The following REDIC1 variants were observed in gnomAD, a reference collection of about 807,000 sequenced individuals.
The protein encoded by REDIC1 is regulator of DNA class I crossover intermediates 1.
the REDIC1 span, among the ~76,000 whole-genome samples, chr12:39,662,444 AT>A: frequency 6.6e-6 from 1 of 151,986 alleles, no homozygotes; most frequent in African/African-American, 2.4e-5. Flanking sequence ...ATAGTTCATT[AT>A]TGATGTATAC....
At chr12:39,781,070 T>C in the REDIC1 span, among the ~76,000 whole-genome samples, 1 of 152,210 alleles carries the variant, frequency 6.6e-6, no homozygotes, top group Non-Finnish European at 1.5e-5. Context: ...GCTTCACAGA[T>C]TAAGCATTTT....
At chr12:39,852,272 A>C in the REDIC1 span, among the ~76,000 whole-genome samples, 1 of 152,184 alleles carries the variant, frequency 6.6e-6, no homozygotes, top group East Asian at 1.9e-4. Flanking sequence ...TGTTCTGAGA[A>C]ATGCTGGTCA....
chr12:39,844,278 A>G, the REDIC1 span, among the ~76,000 whole-genome samples: 7 of 152,082 alleles, frequency 4.6e-5, no homozygotes, highest in Admixed American at 4.6e-4. Flanking sequence ...CATAGGGTAG[A>G]TAGACAGTCC....
chr12:39,735,414 G>A, the REDIC1 span, among the ~76,000 whole-genome samples: 2 of 152,142 alleles, frequency 1.3e-5, no homozygotes, highest in Non-Finnish European at 2.9e-5. Flanking sequence ...ATAGAAAATA[G>A]GAATAGAAAA....
chr12:39,718,551 A>G, the REDIC1 span, among the ~76,000 whole-genome samples: 1 of 152,112 alleles, frequency 6.6e-6, no homozygotes, highest in Non-Finnish European at 1.5e-5. Context: ...CTTTATAAAT[A>G]AGGGCAATCT....
the REDIC1 span, among the ~76,000 whole-genome samples, chr12:39,897,656 T>C: frequency 6.6e-6 from 1 of 152,210 alleles, no homozygotes; most frequent in Non-Finnish European, 1.5e-5. Context: ...GGTGAATTTT[T>C]TATTTTATTT....
chr12:39,714,061 A>G, the REDIC1 span, among the ~76,000 whole-genome samples: 5 of 147,034 alleles, frequency 3.4e-5, no homozygotes, highest in Non-Finnish European at 6.1e-5. Flanking sequence ...ATATACACGT[A>G]TGTGTATATA....
At chr12:39,701,084 CA>C in the REDIC1 span, among the ~76,000 whole-genome samples, 1 of 134,996 alleles carries the variant, frequency 7.4e-6, no homozygotes, top group Non-Finnish European at 1.6e-5. Flanking sequence ...TCACACATAA[CA>C]ATATTAACTT....
the REDIC1 span, among the ~76,000 whole-genome samples, chr12:39,766,188 T>A: frequency 6.6e-6 from 1 of 152,182 alleles, no homozygotes; most frequent in South Asian, 2.1e-4. Flanking sequence ...GGATTATCCT[T>A]TCAGTATTCG....
At chr12:39,756,039 T>C in the REDIC1 span, 4 of 151,990 alleles carry the variant, frequency 2.6e-5, no homozygotes, top group African/African-American at 9.7e-5. Context: ...ATTGCTCACC[T>C]AGAAGAGCTG....
At chr12:39,713,619 C>T in the REDIC1 span, among the ~76,000 whole-genome samples, 42 of 141,650 alleles carry the variant, frequency 3.0e-4, no homozygotes, top group African/African-American at 1.0e-3. Flanking sequence ...TATGTATATA[C>T]GCATGTATAC....
At chr12:39,787,680 G>A in the REDIC1 span, among the ~76,000 whole-genome samples, 2 of 152,116 alleles carry the variant, frequency 1.3e-5, no homozygotes, top group East Asian at 3.9e-4. Flanking sequence ...TGTAACATTA[G>A]GATAAATTTT....
the REDIC1 span, among the ~76,000 whole-genome samples, chr12:39,705,060 CTT>C: frequency 6.6e-6 from 1 of 151,144 alleles, no homozygotes; most frequent in South Asian, 2.1e-4. Context: ...TACCCTAAAA[CTT>C]AAAGTATAAT....
chr12:39,835,239 A>T, the REDIC1 span, among the ~76,000 whole-genome samples: 1 of 152,068 alleles, frequency 6.6e-6, no homozygotes, highest in Admixed American at 6.6e-5. Context: ...TTCTATCTCA[A>T]GAGCACACAT....
At chr12:39,842,263 C>G in the REDIC1 span, among the ~76,000 whole-genome samples, 1 of 151,994 alleles carries the variant, frequency 6.6e-6, no homozygotes, top group Admixed American at 6.6e-5. Context: ...TATATTGTAC[C>G]ATCTGGTCTT....
At chr12:39,891,330 C>A in the REDIC1 span, among the ~76,000 whole-genome samples, 8 of 151,792 alleles carry the variant, frequency 5.3e-5, no homozygotes, top group African/African-American at 1.9e-4. Context: ...CTCTCAGCAA[C>A]TGGAGGAGGG....
At chr12:39,632,223 A>G in the REDIC1 span, among the ~76,000 whole-genome samples, 1 of 151,712 alleles carries the variant, frequency 6.6e-6, no homozygotes, top group Non-Finnish European at 1.5e-5. Context: ...CAGCCTTCCG[A>G]GTAGCTGGGA....
chr12:39,754,220 A>G, the REDIC1 span: 1 of 152,150 alleles, frequency 6.6e-6, no homozygotes, highest in African/African-American at 2.4e-5. Context: ...CTTAAGTTTT[A>G]GTACCTGGAA....
At chr12:39,777,621 C>T in the REDIC1 span, among the ~76,000 whole-genome samples, 3 of 152,130 alleles carry the variant, frequency 2.0e-5, no homozygotes, top group Admixed American at 1.3e-4. Context: ...CCTATAAAAA[C>T]CCCGAGACCC....
Sources: allele counts gnomAD v4.1 joint callset (sites outside exome capture counted in the v4.1 genomes callset), GRCh38; gene constraint gnomAD v4.1.1; transcripts MANE v1.5; gene names NCBI Gene and HGNC (gene_info 2026-07-23, HGNC 2026-07-21).